The following DNAL1 variants were observed in gnomAD, a reference collection of about 807,000 sequenced individuals.
DNAL1 encodes chromosome 14 open reading frame 168.
A neutral mutation model predicts 29.4 loss-of-function variants in DNAL1; 17 were observed. The ratio of observed to expected loss-of-function variants is 0.58; its 90% CI spans 0.40 to 0.87. DNAL1 has a LOEUF of 0.87. Ranked by LOEUF, DNAL1 falls within the 40% of genes least tolerant of loss-of-function variation. The pLI, the probability that DNAL1 is intolerant of heterozygous loss-of-function variation, is 0.00. For missense variants in DNAL1, 188 were observed against 214.1 expected (o/e 0.88, Z 0.76); for synonymous variants, 78 against 76.3 (o/e 1.02, Z -0.12).
intron 1 of DNAL1, among the ~76,000 whole-genome samples, chr14:73,649,574 G>A (rs914425738): frequency 2.6e-5 from 4 of 152,074 alleles, no homozygotes; most frequent in East Asian, 1.9e-4. Flanking sequence ...GAGCCACCGC[G>A]CCCGGGCTGT....
intron 1 of DNAL1, among the ~76,000 whole-genome samples, chr14:73,652,341 G>A (rs1202156721): frequency 6.6e-6 from 1 of 152,120 alleles, no homozygotes; most frequent in Non-Finnish European, 1.5e-5. Flanking sequence ...TTGGCTCACT[G>A]CACCCTCTCT....
At chr14:73,687,535 A>G (rs926090246) in intron 6 of DNAL1, 150 bp downstream of exon 6, 4 of 943,454 alleles carry the variant, frequency 4.2e-6, no homozygotes, top group Admixed American at 3.7e-5. Flanking sequence ...AAACAGCAAT[A>G]GGAGTTTCTA....
chr14:73,699,724 A>G lies in DNAL1; in HGVS notation c.*3782A>G, dbSNP rs760051751. 7 of 152,148 alleles carry G rather than the reference A, an allele frequency of 4.6e-5. No individual in the cohort carries two copies. The highest frequency in any genetic ancestry group is 1.3e-4 in the Admixed American group (2 of 15,270). The allele number at this position is 152,148 out of a possible 1,614,324, so 9.4% of individuals were successfully genotyped here. A position where few individuals can be genotyped will look rare whatever the true frequency, so the allele number is the denominator to read the frequency against. On this transcript the variant is annotated 3_prime_UTR_variant, in exon 8 of 8. Transcript: ENST00000553645. ...TAAGCATTCTTGCTTATCTTAGGAC[A>G]GTGATTATTAACCTACCTCTCTGTT... is the stretch of plus-strand genomic sequence containing the variant.
At chr14:73,694,429 G>C (rs1310457649) in intron 7 of DNAL1, among the ~76,000 whole-genome samples, 1 of 152,094 alleles carries the variant, frequency 6.6e-6, no homozygotes, top group African/African-American at 2.4e-5. Context: ...GTAAATGGCT[G>C]AAGAGTTAAG....
intron 7 of DNAL1, among the ~76,000 whole-genome samples, chr14:73,690,527 C>T (rs1892146476): frequency 6.6e-6 from 1 of 152,044 alleles, no homozygotes; most frequent in South Asian, 2.1e-4. Context: ...TGGTGCATGC[C>T]TGTAACCCCA....
chr14:73,651,885 G>C (rs1595200201), intron 1 of DNAL1, among the ~76,000 whole-genome samples: 2 of 152,092 alleles, frequency 1.3e-5, no homozygotes, highest in South Asian at 4.1e-4. Context: ...TCAAACTCCT[G>C]ACCTCAAGTG....
In DNAL1 at chr14:73,703,353, G is replaced by C. The variant is rs1892481938; in HGVS notation, c.*7411G>C. The C allele has an allele frequency of 6.6e-6, 1 of 152,194 alleles. No individual in the cohort carries two copies. The allele number at this position is 152,194 out of a possible 1,614,324, so 9.4% of individuals were successfully genotyped here. A position where few individuals can be genotyped will look rare whatever the true frequency, so the allele number is the denominator to read the frequency against. ...TAGGTGATAACTGTCAGACCTCTGA[G>C]CCCAAGCTAAGCCATCGCATCCCCT... is the stretch of plus-strand genomic sequence containing the variant. On this transcript the variant is annotated 3_prime_UTR_variant, in exon 8 of 8. Coordinates refer to ENST00000553645, the MANE Select transcript of DNAL1 (RefSeq NM_031427.4).
At chr14:73,683,699 T>A (rs563900814) in intron 5 of DNAL1, among the ~76,000 whole-genome samples, 1 of 150,940 alleles carries the variant, frequency 6.6e-6, no homozygotes, top group South Asian at 2.1e-4. Context: ...TTTATTTATT[T>A]ATTATTATTA....
At chr14:73,667,693 G>A (rs1891520462) in intron 4 of DNAL1, among the ~76,000 whole-genome samples, 1 of 151,986 alleles carries the variant, frequency 6.6e-6, no homozygotes, top group Non-Finnish European at 1.5e-5. Flanking sequence ...ATAGAGTTGG[G>A]GTCTCCCCAT....
At chr14:73,677,366 C>T (rs7158470) in intron 5 of DNAL1, among the ~76,000 whole-genome samples, 4,213 of 150,984 alleles carry the variant, frequency 0.028, 164 homozygotes, top group African/African-American at 0.094. Flanking sequence ...GGCAGGGTCT[C>T]GCTATGTTGT....
chr14:73,683,077 T>C (rs1175155509), intron 5 of DNAL1, among the ~76,000 whole-genome samples: 1 of 152,014 alleles, frequency 6.6e-6, no homozygotes, highest in Non-Finnish European at 1.5e-5. Context: ...GGTTTCTCCA[T>C]GTTGGTCAGG....
intron 2 of DNAL1, among the ~76,000 whole-genome samples, chr14:73,656,981 A>G (rs1891232366): frequency 1.3e-5 from 2 of 151,410 alleles, no homozygotes; most frequent in Admixed American, 1.3e-4. Context: ...ACGGGGTCTC[A>G]CTATATTGCC....
chr14:73,677,556 T>G (rs1891765389), intron 5 of DNAL1, among the ~76,000 whole-genome samples: 1 of 148,800 alleles, frequency 6.7e-6, no homozygotes, highest in African/African-American at 2.4e-5. Context: ...ATTTATTTAT[T>G]TATTTATTTA....
chr14:73,686,312 T>C (rs556909494), intron 5 of DNAL1, among the ~76,000 whole-genome samples: 4 of 152,350 alleles, frequency 2.6e-5, no homozygotes, highest in African/African-American at 2.4e-5. Flanking sequence ...TTTCACTGAA[T>C]TGATTCACTC....
intron 4 of DNAL1, among the ~76,000 whole-genome samples, chr14:73,664,499 T>G (rs1406799996): frequency 1.3e-5 from 2 of 152,176 alleles, no homozygotes; most frequent in Non-Finnish European, 2.9e-5. Flanking sequence ...AAAATGACTT[T>G]GTAGCATTTA....
chr14:73,669,200 T>C (rs760458368), intron 4 of DNAL1, among the ~76,000 whole-genome samples: 1 of 152,030 alleles, frequency 6.6e-6, no homozygotes, highest in Non-Finnish European at 1.5e-5. Context: ...AGTGTAGTGG[T>C]GCAAACTCCT....
intron 6 of DNAL1, among the ~76,000 whole-genome samples, 173 bp from the exon 7 acceptor site, chr14:73,689,197 CTTATT>C (rs1892102292): frequency 6.6e-6 from 1 of 151,944 alleles, no homozygotes; most frequent in South Asian, 2.1e-4. Flanking sequence ...CTATGCCTGG[CTTATT>C]TTTGTATTTT....
At chr14:73,654,257 A>ATT (rs1020817086) in intron 1 of DNAL1, among the ~76,000 whole-genome samples, 1 of 152,196 alleles carries the variant, frequency 6.6e-6, no homozygotes, top group Non-Finnish European at 1.5e-5. Context: ...AAAGCTACAT[A>ATT]TTTTTTGTAA....
chr14:73,651,747 C>G (rs1891119108), intron 1 of DNAL1, among the ~76,000 whole-genome samples: 2 of 152,156 alleles, frequency 1.3e-5, no homozygotes, highest in South Asian at 4.1e-4. Flanking sequence ...ACCTCCACCT[C>G]CTGGATTTAA....
Sources: gnomAD v4.1 joint callset for allele counts (sites outside exome capture counted in the v4.1 genomes callset) on GRCh38, gnomAD v4.1.1 for gene constraint, MANE v1.5 for transcripts, NCBI Gene and HGNC (gene_info 2026-07-23, HGNC 2026-07-21) for gene names.